The following CD163L1 variants were observed in gnomAD, a reference collection of about 807,000 sequenced individuals.
The protein encoded by CD163L1 is CD163 molecule like 1.
Under a neutral mutation model 165.4 loss-of-function variants are expected in CD163L1, and 124 were observed. The observed-to-expected ratio is 0.75, with a 90% CI of 0.65 to 0.87. The LOEUF (loss-of-function observed/expected upper bound fraction) is 0.87, where lower values mean the gene tolerates loss of function less well. Ranked by LOEUF, CD163L1 falls within the 40% of genes least tolerant of loss-of-function variation. The probability of loss-of-function intolerance (pLI) is 0.00; values close to 1 mark genes in which losing one functional copy is unlikely to be tolerated. For synonymous variants in CD163L1, 585 were observed against 662.2 expected (o/e 0.88, Z 1.79); for missense variants, 1,525 against 1,799.9 (o/e 0.85, Z 2.76).
chr12:7,443,240 C>T (rs7305170), intron 1 of CD163L1, among the ~76,000 whole-genome samples: 15,688 of 152,144 alleles, frequency 0.1, 1,408 homozygotes, highest in African/African-American at 0.23. Flanking sequence ...ATAAGCAAAA[C>T]AGTTACAAAA....
chr12:7,437,888 TTTA>T (rs1290433804), intron 2 of CD163L1, among the ~76,000 whole-genome samples: 1 of 151,620 alleles, frequency 6.6e-6, no homozygotes, highest in African/African-American at 2.4e-5. Flanking sequence ...TTTTAGGAAT[TTTA>T]TTATTATAAA....
intron 9 of CD163L1, among the ~76,000 whole-genome samples, chr12:7,377,040 C>A (rs1947284613): frequency 6.6e-6 from 1 of 152,214 alleles, no homozygotes; most frequent in African/African-American, 2.4e-5. Context: ...GAGTGACCTT[C>A]CCCTGCTCAT....
intron 4 of CD163L1, among the ~76,000 whole-genome samples, chr12:7,419,281 G>C (rs1948303854): frequency 6.6e-6 from 1 of 151,876 alleles, no homozygotes; most frequent in Non-Finnish European, 1.5e-5. Context: ...AACAGATGCA[G>C]AAAAAGCATT....
intron 4 of CD163L1, among the ~76,000 whole-genome samples, chr12:7,426,738 A>G (rs1310074787): frequency 6.6e-6 from 1 of 152,164 alleles, no homozygotes; most frequent in East Asian, 1.9e-4. Context: ...TAAAGTAAAA[A>G]ATAAATAAAT....
chr12:7,406,498 T>A (rs1217371020), intron 5 of CD163L1, 34 bp downstream of exon 5: 1 of 1,586,664 alleles, frequency 6.3e-7, no homozygotes, highest in Non-Finnish European at 8.5e-7. Context: ...AAAAGAAATT[T>A]TATCTGATGT....
intron 8 of CD163L1, among the ~76,000 whole-genome samples, chr12:7,388,001 C>T (rs774445061): frequency 6.6e-6 from 1 of 152,242 alleles, no homozygotes; most frequent in East Asian, 1.9e-4. Context: ...TGATTTTTGA[C>T]AAAGGCACCA....
At chr12:7,330,306 C>A in the CD163L1 span, among the ~76,000 whole-genome samples, 1 of 152,332 alleles carries the variant, frequency 6.6e-6, no homozygotes, top group Non-Finnish European at 1.5e-5. Flanking sequence ...GGAAGCCTAA[C>A]ATTTTTACTA....
rs1947168301 is a variant in CD163L1, at chr12:7,372,624, T to G, written c.3730+696A>C. 6.6e-6 allele frequency among the ~76,000 whole-genome samples: 1 copy of G among 151,774 alleles called. No individual in the cohort carries two copies. The highest frequency in any genetic ancestry group is 2.4e-5 in the African/African-American group (1 of 41,378). On this transcript the variant is annotated intron_variant, in intron 14 of 19. Coordinates refer to ENST00000313599, the MANE Select transcript of CD163L1 (RefSeq NM_174941.6). This position sits in a 1 kb window ranked among gnomAD's most constrained non-coding sequence, Gnocchi z 4.2. The stretch of plus-strand genomic sequence containing the variant: ...AAATATAGTGTAACACTACATTACA[T>G]GCATATATATCATACTATATATACA...
Position 7,400,789 on chromosome 12 carries a change from T to C in CD163L1, c.1409-2205A>G, listed in dbSNP as rs1449130774. ...GAATTTTATGAAAAATAAGAATACT[T>C]AGGCAATATATATCTCAGTAGGTAT... On this transcript the variant is annotated intron_variant, in intron 6 of 19. Coordinates refer to ENST00000313599, the MANE Select transcript of CD163L1 (RefSeq NM_174941.6). This position sits in a 1 kb window ranked among gnomAD's most constrained non-coding sequence, Gnocchi z 4.1. Among the ~76,000 whole-genome samples the C allele has an allele frequency of 2.0e-5, 3 of 152,324 alleles. No individual in the cohort carries two copies. The highest frequency in any genetic ancestry group is 4.4e-5 in the Non-Finnish European group (3 of 68,026).
chr12:7,431,755 A>C (rs1314001196), intron 4 of CD163L1, among the ~76,000 whole-genome samples: 1 of 150,602 alleles, frequency 6.6e-6, no homozygotes, highest in Non-Finnish European at 1.5e-5. Flanking sequence ...TTAAAGTATA[A>C]AAAAAAAAGT....
chr12:7,334,792 G>A, the CD163L1 span, among the ~76,000 whole-genome samples: 1 of 152,196 alleles, frequency 6.6e-6, no homozygotes, highest in African/African-American at 2.4e-5. Flanking sequence ...CTTCAGCAAA[G>A]TATCAGGATA....
chr12:7,367,475 A>T (rs1193562654), intron 17 of CD163L1, 144 bp from the exon 18 acceptor site: 2 of 473,284 alleles, frequency 4.2e-6, no homozygotes, highest in Non-Finnish European at 7.7e-6. Flanking sequence ...CTGCTAGTGA[A>T]TTTTTTACAT....
At chr12:7,438,851 G>A in intron 2 of CD163L1, 6 of 1,568,952 alleles carry the variant, frequency 3.8e-6, no homozygotes, top group Non-Finnish European at 4.4e-6. Flanking sequence ...CGTTTGGACA[G>A]ATATAGGCAT....
In CD163L1 at chr12:7,378,992, C is replaced by G; in HGVS notation, c.2357G>C (p.Ser786Thr). 6.2e-7 allele frequency: 1 copy of G among 1,604,350 alleles called. No individual in the cohort carries two copies. Among genetic ancestry groups the G allele is most frequent in the African/African-American group, 1.3e-5 (1 of 74,884 alleles). The change falls in exon 9 of 20, where the codon AGT (serine) becomes ACT (threonine). Residue 786 changes from serine to threonine, a missense_variant. Transcript: ENST00000313599. ...QTACHLNMEASLICSAHRQPR... is the reference protein window; with the variant it reads ...QTACHLNMEATLICSAHRQPR... The stretch of plus-strand genomic sequence containing the variant: ...CCAGAAATTACCTGAGCAGATCAAA[C>G]TTGCTTCCATATTTAAATGACACGC...
At chr12:7,399,797 G>T (rs1947881298) in intron 6 of CD163L1, among the ~76,000 whole-genome samples, 1 of 151,962 alleles carries the variant, frequency 6.6e-6, no homozygotes, top group Non-Finnish European at 1.5e-5. Flanking sequence ...TATAGACAGG[G>T]TTTCACCATG....
At chr12:7,362,444 A>T (rs1443218454) in intron 18 of CD163L1, among the ~76,000 whole-genome samples, 1 of 138,254 alleles carries the variant, frequency 7.2e-6, no homozygotes, top group Non-Finnish European at 1.5e-5. Context: ...ATATATAATT[A>T]TGTGTTATTA....
At position 7,375,365 on chromosome 12, in the gene CD163L1, C is replaced by A. The variant is rs1947242758; in HGVS notation, c.2917G>T (p.Glu973Ter). The A allele has an allele frequency of 6.2e-7, 1 of 1,614,164 alleles. No individual in the cohort carries two copies. The highest frequency in any genetic ancestry group is 1.3e-5 in the African/African-American group (1 of 75,042). Reference protein sequence around the residue: ...WGHRFHCLGNESLLDNCQMTV... With the variant: ...WGHRFHCLGN Reference sequence around the variant, plus strand: ...ATTTGACAGTTATCCAGAAGTGACTCATTCCCTAAGCAATGAAACCTGTGT... The same window carrying A: ...ATTTGACAGTTATCCAGAAGTGACTAATTCCCTAAGCAATGAAACCTGTGT... Residue 973 changes from glutamate (E) to a stop codon, truncating the protein, a stop_gained, in exon 11 of 20, where the codon GAG becomes TAG. Coordinates refer to ENST00000313599, the MANE Select transcript of CD163L1 (RefSeq NM_174941.6). LOFTEE classifies it high-confidence loss of function.
intron 18 of CD163L1, among the ~76,000 whole-genome samples, chr12:7,358,834 A>G (rs1183050863): frequency 2.0e-5 from 3 of 152,172 alleles, no homozygotes; most frequent in Non-Finnish European, 4.4e-5. Flanking sequence ...GTGTTATGGG[A>G]TCTAAAGGAA....
chr12:7,401,496 T>C (rs1386520371), intron 6 of CD163L1, among the ~76,000 whole-genome samples: 1 of 152,132 alleles, frequency 6.6e-6, no homozygotes, highest in African/African-American at 2.4e-5. Flanking sequence ...TTTTAAGTAT[T>C]TGGCAAACTA....
Sources: gnomAD v4.1 joint callset for allele counts (sites outside exome capture counted in the v4.1 genomes callset) on GRCh38, gnomAD v4.1.1 for gene constraint, Gnocchi (gnomAD v3.1) non-coding constraint, MANE v1.5 for transcripts, NCBI Gene and HGNC (gene_info 2026-07-23, HGNC 2026-07-21) for gene names.